The following CNTNAP2 variants were observed in gnomAD, a reference collection of about 807,000 sequenced individuals.
CNTNAP2 encodes contactin associated protein 2, also known as contactin-associated protein-like 2.
In CNTNAP2, 98 loss-of-function variants were observed where a neutral mutation model predicts 155.2. The observed-to-expected ratio is 0.63, with a 90% CI of 0.54 to 0.75. The LOEUF is 0.75. CNTNAP2 is among the 30% of genes least tolerant of loss of function. The pLI, the probability that CNTNAP2 is intolerant of heterozygous loss-of-function variation, is 0.00. For synonymous variants in CNTNAP2, 651 were observed against 631.2 expected, an observed-to-expected ratio of 1.03 and a Z score of -0.47; for missense variants, 1,727 against 1,688.1, an observed-to-expected ratio of 1.02 and a Z score of -0.40.
At chr7:147,872,056 T>C (rs1799336511) in intron 13 of CNTNAP2, among the ~76,000 whole-genome samples, 1 of 152,236 alleles carries the variant, frequency 6.6e-6, no homozygotes, top group African/African-American at 2.4e-5. Context: ...AAAGAGAATC[T>C]ACTCCTCCTT....
At chr7:147,183,966 C>T (rs941175081) in intron 8 of CNTNAP2, among the ~76,000 whole-genome samples, 3 of 152,210 alleles carry the variant, frequency 2.0e-5, no homozygotes, top group East Asian at 3.9e-4. Flanking sequence ...ATTGTATTTA[C>T]TATACATTAA....
intron 1 of CNTNAP2, among the ~76,000 whole-genome samples, chr7:146,322,634 C>CTTTTTTTTTTTCT (rs1801025517): frequency 1.5e-5 from 1 of 64,964 alleles, no homozygotes; most frequent in African/African-American, 5.6e-5. Context: ...TGTTCATTCT[C>CTTTTTTTTTTTCT]TTTTTTTTTT....
chr7:146,976,590 G>T (rs893043789), intron 3 of CNTNAP2, among the ~76,000 whole-genome samples: 2 of 152,174 alleles, frequency 1.3e-5, no homozygotes, highest in Non-Finnish European at 2.9e-5. Context: ...CTAGGGTGAG[G>T]TATGCAGGAA....
chr7:146,263,275 G>GAGGAAGGA (rs1266735414), intron 1 of CNTNAP2, among the ~76,000 whole-genome samples: 1 of 141,076 alleles, frequency 7.1e-6, no homozygotes. Flanking sequence ...GGGAGGGAGG[G>GAGGAAGGA]AGGAAGGAAG....
intron 13 of CNTNAP2, among the ~76,000 whole-genome samples, chr7:147,762,141 TC>T (rs1797310853): frequency 7.3e-6 from 1 of 136,798 alleles, no homozygotes; most frequent in African/African-American, 3.2e-5. Flanking sequence ...TTTCTCTCTC[TC>T]TCTCTCTCTG....
intron 1 of CNTNAP2, among the ~76,000 whole-genome samples, chr7:146,734,795 A>G (rs1005546456): frequency 1.3e-5 from 2 of 152,240 alleles, no homozygotes; most frequent in Non-Finnish European, 2.9e-5. Context: ...TAAAATATGC[A>G]TAATATCCTC....
intron 15 of CNTNAP2, among the ~76,000 whole-genome samples, chr7:147,980,653 G>C (rs915609189): frequency 6.6e-6 from 1 of 151,824 alleles, no homozygotes; most frequent in Non-Finnish European, 1.5e-5. Flanking sequence ...GGCCGGGCGC[G>C]GTGGCTCACA....
intron 1 of CNTNAP2, among the ~76,000 whole-genome samples, chr7:146,564,500 A>G (rs1031399147): frequency 6.7e-6 from 1 of 149,416 alleles, no homozygotes; most frequent in African/African-American, 2.4e-5. Flanking sequence ...ATAATTATAT[A>G]TTAGAGTTGT....
chr7:146,350,004 G>GA (rs1399842648), intron 1 of CNTNAP2, among the ~76,000 whole-genome samples: 1 of 152,056 alleles, frequency 6.6e-6, no homozygotes, highest in East Asian at 1.9e-4. Flanking sequence ...TCCTGAATCT[G>GA]AATGTTGGCC....
In CNTNAP2 at chr7:147,149,447, C is replaced by T. The variant is rs550315526; in HGVS notation, c.1348+16938C>T. Among the ~76,000 whole-genome samples the T allele has an allele frequency of 1.4e-4, 22 of 152,254 alleles. 1 individual carries two copies. Among genetic ancestry groups the T allele is most frequent in the Non-Finnish European group, 1.0e-4 (7 of 68,022 alleles). On this transcript the variant is annotated intron_variant, in intron 8 of 23. Transcript: ENST00000361727. ...TCCAGCTGGCTTCACCTCTCATAAA[C>T]ATATCACTATTCAATGAATACAAAA...
intron 1 of CNTNAP2, among the ~76,000 whole-genome samples, chr7:146,545,800 A>G (rs868272684): frequency 7.9e-5 from 12 of 151,996 alleles, no homozygotes; most frequent in South Asian, 2.1e-4. Flanking sequence ...AACCAGAAAT[A>G]CCATTTGACC....
intron 15 of CNTNAP2, among the ~76,000 whole-genome samples, chr7:148,101,575 G>A (rs974517297): frequency 3.3e-5 from 5 of 152,158 alleles, no homozygotes; most frequent in African/African-American, 1.2e-4. Context: ...AAGTTCTGCA[G>A]AAGTGAAATG....
At chr7:147,353,093 A>G (rs954492022) in intron 9 of CNTNAP2, among the ~76,000 whole-genome samples, 32 of 139,964 alleles carry the variant, frequency 2.3e-4, no homozygotes, top group African/African-American at 6.5e-4. Flanking sequence ...ATATATATAT[A>G]TAGACACACA....
At chr7:146,970,676 A>G (rs1195304313) in intron 3 of CNTNAP2, among the ~76,000 whole-genome samples, 1 of 152,146 alleles carries the variant, frequency 6.6e-6, no homozygotes, top group Admixed American at 6.5e-5. Context: ...ATCTAGAACT[A>G]GAAATACCAT....
chr7:147,764,251 A>T (rs1235970442), intron 13 of CNTNAP2, among the ~76,000 whole-genome samples: 1 of 152,086 alleles, frequency 6.6e-6, no homozygotes, highest in African/African-American at 2.4e-5. Flanking sequence ...CCCTCCATCT[A>T]GGAGGGTCAA....
At position 147,030,009 on chromosome 7, in the gene CNTNAP2, T is replaced by C. The variant is rs542269778; in HGVS notation, c.403-13898T>C. On this transcript the variant is annotated intron_variant, in intron 3 of 23. Coordinates refer to ENST00000361727, the MANE Select transcript of CNTNAP2 (RefSeq NM_014141.6). ...TTTGCTGCCATTAATACTTAACAAA[T>C]ACCTGCGAAAAGCAATGGTTTTGGA... Among the ~76,000 whole-genome samples the C allele has an allele frequency of 8.5e-5, 13 of 152,276 alleles. No homozygotes were observed. In the South Asian group the frequency reaches 2.7e-3, roughly 32 times the overall value.
chr7:146,639,093 G>A (rs564029845), intron 1 of CNTNAP2, among the ~76,000 whole-genome samples: 1 of 152,288 alleles, frequency 6.6e-6, no homozygotes, highest in East Asian at 1.9e-4. Context: ...AAGCATAGTT[G>A]ACTGAAACAT....
At chr7:146,998,921 A>G (rs551177154) in intron 3 of CNTNAP2, among the ~76,000 whole-genome samples, 2 of 152,022 alleles carry the variant, frequency 1.3e-5, no homozygotes, top group East Asian at 3.9e-4. Flanking sequence ...GTGCATTTCA[A>G]CATATAATTG....
rs17170102 is a variant in CNTNAP2 at position 146,472,568 on chromosome 7, A to G, written c.98-301703A>G. On this transcript the variant is annotated intron_variant, in intron 1 of 23. Coordinates refer to ENST00000361727, the MANE Select transcript of CNTNAP2 (RefSeq NM_014141.6). ...TACTACCCAACACTTACATAACCAT[A>G]CCATAAATATGAAAAAGTAAAATCA... is the stretch of plus-strand genomic sequence containing the variant. Among the ~76,000 whole-genome samples the G allele has an allele frequency of 3.0e-4, 46 of 152,304 alleles. No individual in the cohort carries two copies. The East Asian group carries it at 7.9e-3, about 26-fold the overall frequency.
Sources: gnomAD v4.1 joint callset for allele counts (sites outside exome capture counted in the v4.1 genomes callset) on GRCh38, gnomAD v4.1.1 for gene constraint, MANE v1.5 for transcripts, NCBI Gene and HGNC (gene_info 2026-07-23, HGNC 2026-07-21) for gene names.